ATP12A: variants seen among roughly 807,000 people sequenced by gnomAD.
ATP12A encodes ATPase H+/K+ transporting non-gastric alpha2 subunit.
A neutral mutation model predicts 111.2 loss-of-function variants in ATP12A; 81 were observed. That is an observed-to-expected ratio of 0.73 (90% CI 0.61 to 0.88). ATP12A has a LOEUF of 0.88. Among genes scored for constraint, ATP12A ranks in the 40% least tolerant of loss-of-function variants. The pLI is 0.00. For synonymous variants in ATP12A, 498 were observed against 499.8 expected (o/e 1.00, Z 0.05); for missense variants, 1,196 against 1,313.1 (o/e 0.91, Z 1.38).
intron 3 of ATP12A, among the ~76,000 whole-genome samples, chr13:24,686,322 C>A (rs935690363): frequency 1.3e-5 from 2 of 151,894 alleles, no homozygotes; most frequent in Non-Finnish European, 2.9e-5. Flanking sequence ...TGCCTGTAAT[C>A]TCAGCTACTC....
intron 11 of ATP12A, among the ~76,000 whole-genome samples, chr13:24,698,126 C>A (rs9553426): frequency 6.6e-6 from 1 of 152,082 alleles, no homozygotes; most frequent in South Asian, 2.1e-4. Flanking sequence ...TCCTGTGACT[C>A]GGCTGTCTTC....
chr13:24,690,867 C>T (rs1336184128), intron 7 of ATP12A, 115 bp from the exon 8 acceptor site: 3 of 1,487,972 alleles, frequency 2.0e-6, no homozygotes, highest in South Asian at 1.3e-5. Context: ...CGATGCTTGG[C>T]CTTGGGAATG....
chr13:24,709,872 C>G lies in ATP12A; in HGVS notation c.2763+44C>G, dbSNP rs758907027. 116 of 1,608,342 alleles carry G rather than the reference C, an allele frequency of 7.2e-5. No individual in the cohort carries two copies. In the East Asian group the frequency reaches 1.1e-3, roughly 15 times the overall value. ...GCTGCAGAGTCCACCTGATTCTCTCCATGCTCATTGCCCTGCGCAGAATTA... is the reference window on the plus strand; with the variant it reads ...GCTGCAGAGTCCACCTGATTCTCTCGATGCTCATTGCCCTGCGCAGAATTA... On this transcript the variant is annotated intron_variant, in intron 19 of 22. Coordinates refer to ENST00000381946, the MANE Select transcript of ATP12A (RefSeq NM_001676.7).
In ATP12A at chr13:24,709,401, G is replaced by A; in HGVS notation, c.2531G>A (p.Ser844Asn). The stretch of plus-strand genomic sequence containing the variant: ...GCCTTGGCGTACGAGAAAGCTGAAA[G>A]TGACATCATGAACAGGAAGCCTCGC... The part of the protein sequence containing the change: ...SIALAYEKAE[S>N]DIMNRKPRHK... The change falls in exon 18 of 23, where the codon AGT becomes AAT. Residue 844 changes from serine (S) to asparagine (N), a missense_variant. By Grantham distance (46) the Ser-to-Asn change is conservative. Around this residue, in one of 3 missense-constraint regions of ATP12A, gnomAD observed 1,126 missense variants for 1,228.5 expected, o/e 0.92. Coordinates refer to ENST00000381946, the MANE Select transcript of ATP12A (RefSeq NM_001676.7). 2 of 1,612,872 alleles carry A rather than the reference G, an allele frequency of 1.2e-6. No individual in the cohort carries two copies. The highest frequency in any genetic ancestry group is 8.5e-7 in the Non-Finnish European group (1 of 1,179,554).
At chr13:24,682,392 G>GTGTGCGCGCACGTGTGT (rs1555253821) in intron 2 of ATP12A, among the ~76,000 whole-genome samples, 3 of 99,516 alleles carry the variant, frequency 3.0e-5, no homozygotes, top group Admixed American at 2.0e-4. Flanking sequence ...TGTGGTGTGT[G>GTGTGCGCGCACGTGTGT]GTGTGTGTAT....
chr13:24,711,436 C>G, intron 22 of ATP12A, 27 bp downstream of exon 22: 1 of 1,614,038 alleles, frequency 6.2e-7, no homozygotes, highest in South Asian at 1.1e-5. Context: ...TTTAGAGGCT[C>G]TGTTTACCCA....
chr13:24,703,074 G>A (rs1029231461), intron 14 of ATP12A, among the ~76,000 whole-genome samples: 6 of 152,320 alleles, frequency 3.9e-5, no homozygotes, highest in Non-Finnish European at 5.9e-5. Context: ...CAGGGTTCCC[G>A]CCTCTGGGCA....
In ATP12A at chr13:24,690,744, C is replaced by G. The variant is rs149105901; in HGVS notation, c.799+23C>G. 8,995 of 1,591,460 alleles carry G rather than the reference C, an allele frequency of 5.7e-3. 32 individuals are homozygous for G. Among genetic ancestry groups the G allele is most frequent in the Non-Finnish European group, 7.0e-3 (8,194 of 1,163,772 alleles). On this transcript the variant is annotated intron_variant, in intron 7 of 22. Coordinates refer to ENST00000381946, the MANE Select transcript of ATP12A (RefSeq NM_001676.7). ...AAGGTAAAAGGCCTCTGGCTCTCAG[C>G]CCACATGTCCACCTGTGTCCTTTCT...
Position 24,709,467 on chromosome 13 carries a change from T to G in ATP12A, c.2597T>G (p.Val866Gly). 1 of 1,614,074 alleles carries G rather than the reference T, an allele frequency of 6.2e-7. No homozygotes were observed. Among genetic ancestry groups the G allele is most frequent in the Non-Finnish European group, 8.5e-7 (1 of 1,180,008 alleles). Reference protein sequence around the residue: ...KDRLVNQPLAVYSYLHIGLMQ... With the variant: ...KDRLVNQPLAGYSYLHIGLMQ... Reference sequence around the variant, plus strand: ...AGGCTGGTGAACCAGCCGCTCGCTGTGTACTCATACCTGCACATTGGTACG... The same window carrying G: ...AGGCTGGTGAACCAGCCGCTCGCTGGGTACTCATACCTGCACATTGGTACG... The change falls in exon 18 of 23, where the codon GTG (valine) becomes GGG (glycine). Residue 866 changes from valine to glycine, a missense_variant. Physicochemically the swap from Val to Gly is moderately radical, Grantham distance 109. Coordinates refer to ENST00000381946, the MANE Select transcript of ATP12A (RefSeq NM_001676.7).
chr13:24,697,252 G>A (rs1875203892), intron 11 of ATP12A, among the ~76,000 whole-genome samples: 1 of 152,178 alleles, frequency 6.6e-6, no homozygotes, highest in Admixed American at 6.5e-5. Context: ...GAATAAATAA[G>A]TCGATGTGGA....
intron 5 of ATP12A, 47 bp from the exon 6 acceptor site, chr13:24,690,291 G>A (rs562807874): frequency 3.4e-5 from 54 of 1,604,270 alleles, no homozygotes; most frequent in African/African-American, 8.0e-5. Context: ...GGGGAGGGCC[G>A]GTGTCCTTCC....
At chr13:24,697,108 C>G (rs1178629915) in intron 11 of ATP12A, among the ~76,000 whole-genome samples, 2 of 152,184 alleles carry the variant, frequency 1.3e-5, no homozygotes, top group Non-Finnish European at 2.9e-5. Context: ...AGCCTGGGCT[C>G]AAATCCCAGC....
intron 17 of ATP12A, 148 bp from the exon 18 acceptor site, chr13:24,709,216 A>T: frequency 1.2e-6 from 1 of 852,624 alleles, no homozygotes; most frequent in Non-Finnish European, 1.8e-6. Flanking sequence ...TACAGACAAC[A>T]CGCCCTCTAC....
chr13:24,683,954 C>T (rs1361206346), intron 2 of ATP12A, among the ~76,000 whole-genome samples: 2 of 152,136 alleles, frequency 1.3e-5, no homozygotes, highest in East Asian at 1.9e-4. Flanking sequence ...TGAAGTATCC[C>T]GGCCTTTGAA....
Position 24,711,714 on chromosome 13 carries a change from T to C in ATP12A, c.*192T>C, listed in dbSNP as rs960551541. 5 of 688,664 alleles carry C rather than the reference T, an allele frequency of 7.3e-6. No individual in the cohort carries two copies. Among genetic ancestry groups the C allele is most frequent in the East Asian group, 5.4e-5 (2 of 36,732 alleles). 42.7% of individuals were successfully genotyped at this position (688,664 alleles called of 1,614,324 possible). A position where few individuals can be genotyped will look rare whatever the true frequency, so the allele number is the denominator to read the frequency against. On this transcript the variant is annotated 3_prime_UTR_variant, in exon 23 of 23. Coordinates refer to ENST00000381946, the MANE Select transcript of ATP12A (RefSeq NM_001676.7). ...TTTAAAACTGAAATTCAACTCTTTATATAGGATTTTCTTTTCTATCTCCAT... is the reference window on the plus strand; with the variant it reads ...TTTAAAACTGAAATTCAACTCTTTACATAGGATTTTCTTTTCTATCTCCAT...
intron 11 of ATP12A, 33 bp downstream of exon 11, chr13:24,694,611 C>G: frequency 6.2e-7 from 1 of 1,611,392 alleles, no homozygotes; most frequent in South Asian, 1.1e-5. Context: ...TAATCTCTGT[C>G]ATCGGCAGCA....
intron 5 of ATP12A, 70 bp downstream of exon 5, chr13:24,689,445 A>G: frequency 7.2e-7 from 1 of 1,382,726 alleles, no homozygotes; most frequent in South Asian, 1.2e-5. Flanking sequence ...TGGGAGGGGC[A>G]CAGGGCCCTG....
Position 24,707,210 on chromosome 13 carries a change from G to A in ATP12A, c.2338+19G>A. 2 of 1,613,228 alleles carry A rather than the reference G, an allele frequency of 1.2e-6. No homozygotes were observed. The highest frequency in any genetic ancestry group is 1.1e-5 in the South Asian group (1 of 90,912). On this transcript the variant is annotated intron_variant, in intron 16 of 22. Coordinates refer to ENST00000381946, the MANE Select transcript of ATP12A (RefSeq NM_001676.7). ...GAGGAAGGTGAGTGAGTCTCAGGGG[G>A]TCTTCCCAAGGGCCAGGGTGGTCTG...
At chr13:24,698,997 G>A (rs80349309) in intron 12 of ATP12A, 147 bp downstream of exon 12, 12 of 1,076,654 alleles carry the variant, frequency 1.1e-5, no homozygotes, top group African/African-American at 3.2e-5. Context: ...GGAACAAGGA[G>A]AGGATGCTGT....
Sources: allele counts gnomAD v4.1 joint callset (sites outside exome capture counted in the v4.1 genomes callset), GRCh38; gene constraint gnomAD v4.1.1; regional missense constraint gnomAD v4.1.1; transcripts MANE v1.5; gene names NCBI Gene and HGNC (gene_info 2026-07-23, HGNC 2026-07-21).